Variants in FRMD5 observed in about 807,000 individuals in gnomAD.
FRMD5 encodes the protein FERM domain-containing protein 5.
FRMD5 carries 20 observed loss-of-function variants against 69.0 expected under a neutral mutation model. The ratio of observed to expected loss-of-function variants is 0.29; its 90% CI spans 0.20 to 0.42. The LOEUF (loss-of-function observed/expected upper bound fraction) is 0.42, where lower values mean the gene tolerates loss of function less well. Among genes scored for constraint, FRMD5 ranks in the 10% least tolerant of loss-of-function variants. The pLI is 1.00. For missense variants in FRMD5, 595 were observed against 708.6 expected (o/e 0.84, Z 1.82); for synonymous variants, 271 against 260.1 (o/e 1.04, Z -0.40).
chr15:44,165,709 C>T (rs7174508), intron 1 of FRMD5, among the ~76,000 whole-genome samples: 1,725 of 151,982 alleles, frequency 0.011, 41 homozygotes, highest in African/African-American at 0.04. Context: ...GTGGCATGTG[C>T]CTGTAGTCCC....
chr15:44,074,243 TTA>T (rs1212386552), intron 1 of FRMD5, among the ~76,000 whole-genome samples: 1 of 152,196 alleles, frequency 6.6e-6, no homozygotes, highest in African/African-American at 2.4e-5. Flanking sequence ...GGCCTGGAAG[TTA>T]TTTTTATTTC....
At chr15:43,906,567 A>C (rs2089176226) in intron 5 of FRMD5, among the ~76,000 whole-genome samples, 2 of 152,040 alleles carry the variant, frequency 1.3e-5, no homozygotes, top group African/African-American at 4.8e-5. Context: ...TGTAACTAGA[A>C]AGTATCGTTG....
intron 1 of FRMD5, among the ~76,000 whole-genome samples, chr15:44,171,504 T>C (rs1179256569): frequency 6.6e-6 from 1 of 152,232 alleles, no homozygotes; most frequent in Non-Finnish European, 1.5e-5. Flanking sequence ...AAGTATATAA[T>C]AATACACACT....
intron 13 of FRMD5, among the ~76,000 whole-genome samples, chr15:43,880,699 C>T (rs1488692476): frequency 6.6e-6 from 1 of 152,236 alleles, no homozygotes. Flanking sequence ...CCACTTGCAG[C>T]CTTGGGCACA....
intron 13 of FRMD5, chr15:43,876,144 C>T (rs1490809695): frequency 1.3e-6 from 2 of 1,582,046 alleles, no homozygotes; most frequent in Admixed American, 1.7e-5. Context: ...TGCATTGCCA[C>T]CACCTTTGGG....
intron 1 of FRMD5, among the ~76,000 whole-genome samples, chr15:43,955,334 G>C (rs1555387667): frequency 6.6e-6 from 1 of 152,226 alleles, no homozygotes; most frequent in Non-Finnish European, 1.5e-5. Flanking sequence ...TCCAGTGGAT[G>C]TGAAACAGGC....
chr15:44,074,601 C>G (rs879845081), intron 1 of FRMD5, among the ~76,000 whole-genome samples: 19 of 151,982 alleles, frequency 1.3e-4, no homozygotes, highest in Middle Eastern at 3.2e-3. Context: ...CACCTCACCC[C>G]CCGGGTTCAA....
chr15:43,916,165 C>T (rs1220617927), intron 4 of FRMD5, among the ~76,000 whole-genome samples: 2 of 152,162 alleles, frequency 1.3e-5, no homozygotes, highest in African/African-American at 4.8e-5. Flanking sequence ...TGCATGCAGA[C>T]CGAGAGGAGC....
intron 1 of FRMD5, among the ~76,000 whole-genome samples, chr15:43,952,717 T>C (rs2090055803): frequency 6.6e-6 from 1 of 152,206 alleles, no homozygotes; most frequent in Admixed American, 6.5e-5. Context: ...GGGGCATGTG[T>C]GGCCAGTATG....
intron 1 of FRMD5, among the ~76,000 whole-genome samples, chr15:44,075,934 C>T (rs1595696917): frequency 6.6e-6 from 1 of 152,114 alleles, no homozygotes; most frequent in Non-Finnish European, 1.5e-5. Context: ...AGCATTTTTT[C>T]ATGTGTTTTT....
Position 44,107,248 on chromosome 15 carries a change from G to A in FRMD5, c.102+87705C>T, listed in dbSNP as rs2076733342. On this transcript the variant is annotated intron_variant, in intron 1 of 13. Transcript: ENST00000417257. ...AACCATAGCTAGAGAAAATAGCTGA[G>A]GACAGAGAGGCAAAGCCAAGGAAGA... Among the ~76,000 whole-genome samples the A allele has an allele frequency of 2.0e-5, 3 of 152,146 alleles. No individual in the cohort carries two copies. The South Asian group carries it at 6.2e-4, about 32-fold the overall frequency.
chr15:43,958,151 T>C (rs988955053), intron 1 of FRMD5, among the ~76,000 whole-genome samples: 1 of 152,190 alleles, frequency 6.6e-6, no homozygotes, highest in East Asian at 1.9e-4. Flanking sequence ...CTAAATGTCA[T>C]TCCAAATAAT....
At chr15:44,032,421 C>G (rs1891722681) in intron 1 of FRMD5, among the ~76,000 whole-genome samples, 1 of 152,114 alleles carries the variant, frequency 6.6e-6, no homozygotes, top group African/African-American at 2.4e-5. Context: ...AAACAGACAA[C>G]CTACAGAATG....
chr15:43,937,687 G>A (rs888227522), intron 1 of FRMD5, among the ~76,000 whole-genome samples: 1 of 151,498 alleles, frequency 6.6e-6, no homozygotes, highest in African/African-American at 2.4e-5. Context: ...CAACATCCAT[G>A]GAAAAGAGGG....
Position 44,152,131 on chromosome 15 carries a change from AC to A in FRMD5, c.102+42821del, listed in dbSNP as rs1291454408. 2.6e-5 allele frequency among the ~76,000 whole-genome samples: 4 copies of A among 152,238 alleles called. No individual in the cohort carries two copies. In the East Asian group the frequency reaches 7.7e-4, roughly 29 times the overall value. ...AGGCTGAGGCATGAGAATTGCTTGAACCTGGGAGGCACAGGTGCAGTGAGCT... is the reference window on the plus strand; with the variant it reads ...AGGCTGAGGCATGAGAATTGCTTGAACTGGGAGGCACAGGTGCAGTGAGCT... On this transcript the variant is annotated intron_variant, in intron 1 of 13. Transcript: ENST00000417257.
intron 1 of FRMD5, among the ~76,000 whole-genome samples, chr15:43,954,910 T>C (rs764221519): frequency 4.6e-5 from 7 of 152,220 alleles, no homozygotes; most frequent in African/African-American, 7.2e-5. Flanking sequence ...GCATTTTACA[T>C]AGTAAATAAT....
At chr15:44,144,847 G>C (rs2077332014) in intron 1 of FRMD5, among the ~76,000 whole-genome samples, 1 of 152,158 alleles carries the variant, frequency 6.6e-6, no homozygotes, top group African/African-American at 2.4e-5. Context: ...GAGGAAACCT[G>C]TGCTTGTTCC....
At chr15:44,066,845 G>T (rs1464461675) in intron 1 of FRMD5, among the ~76,000 whole-genome samples, 1 of 152,060 alleles carries the variant, frequency 6.6e-6, no homozygotes, top group East Asian at 1.9e-4. Context: ...GTAAAGGGAA[G>T]GAGTCAGAGA....
intron 13 of FRMD5, 151 bp from the exon 14 acceptor site, chr15:43,874,613 C>T (rs369231268): frequency 1.7e-5 from 11 of 639,106 alleles, no homozygotes; most frequent in East Asian, 1.1e-4. Flanking sequence ...ATCGAGAAGA[C>T]GACAGGCCGG....
Sources: gnomAD v4.1 joint callset for allele counts (sites outside exome capture counted in the v4.1 genomes callset) on GRCh38, gnomAD v4.1.1 for gene constraint, MANE v1.5 for transcripts, NCBI Gene and HGNC (gene_info 2026-07-23, HGNC 2026-07-21) for gene names.